Variants in SKI observed in about 807,000 individuals in gnomAD.
The protein encoded by SKI is SKI proto-oncogene.
A neutral mutation model predicts 59.3 loss-of-function variants in SKI; 23 were observed. The observed-to-expected ratio is 0.39, with a 90% confidence interval of 0.28 to 0.55. The LOEUF (loss-of-function observed/expected upper bound fraction) is 0.55, where lower values mean the gene tolerates loss of function less well. Ranked by LOEUF, SKI falls within the 20% of genes least tolerant of loss-of-function variation. The pLI is 0.67. For synonymous variants in SKI, 673 were observed against 488.6 expected, an observed-to-expected ratio of 1.38 and a Z score of -4.98; for missense variants, 1,017 against 1,038.9, an observed-to-expected ratio of 0.98 and a Z score of 0.29.
At chr1:2,305,717 GC>G (rs1640556152) in intron 5 of SKI, among the ~76,000 whole-genome samples, 1 of 152,182 alleles carries the variant, frequency 6.6e-6, no homozygotes, top group Non-Finnish European at 1.5e-5. Flanking sequence ...TTGGCTTGCT[GC>G]CCCCAAGGGG....
intron 1 of SKI, among the ~76,000 whole-genome samples, chr1:2,285,608 A>G (rs925673823): frequency 2.7e-5 from 4 of 148,428 alleles, no homozygotes; most frequent in Non-Finnish European, 6.0e-5. Context: ...TCTGTCACCC[A>G]GGCTGGAGTG....
intron 1 of SKI, among the ~76,000 whole-genome samples, chr1:2,243,535 G>A (rs1557815897): frequency 6.6e-6 from 1 of 152,232 alleles, no homozygotes; most frequent in Non-Finnish European, 1.5e-5. Context: ...TCCTGTTCTT[G>A]TGCCTTGGGA....
Position 2,269,096 on chromosome 1 carries a change from A to G in SKI, c.970-33882A>G, listed in dbSNP as rs1639560361. Among the ~76,000 whole-genome samples the G allele has an allele frequency of 6.6e-6, 1 of 152,062 alleles. No individual in the cohort carries two copies. The highest frequency in any genetic ancestry group is 2.4e-5 in the African/African-American group (1 of 41,388). On this transcript the variant is annotated intron_variant, in intron 1 of 6. Transcript: ENST00000378536. This position sits in a 1 kb window ranked among gnomAD's most constrained non-coding sequence, Gnocchi z 4.7. ...GTAGCCGAGACTACAGGCACACACC[A>G]CTACATCTGGCTAACGTTTTATATT...
chr1:2,303,900 G>A lies in SKI; in HGVS notation c.1272G>A (p.Pro424=), dbSNP rs552946737. The A allele has an allele frequency of 2.2e-5, 35 of 1,612,334 alleles. No homozygotes were observed. The East Asian group carries it at 4.0e-4, about 18-fold the overall frequency. ...AVAPNVALAP[P]AQQKVVSSPP... ...CGCCCAACGTGGCCCTCGCACCGCC[G>A]GCCCAGCAGAAGGTTGTGAGCAGCC... The change falls in exon 4 of 7, where the codon CCG becomes CCA. Residue 424 remains proline (P), a synonymous_variant. Transcript: ENST00000378536. The surrounding 1 kb of genome is among the most constrained non-coding windows in gnomAD (Gnocchi z 5.6).
chr1:2,285,740 T>G (rs1640026148), intron 1 of SKI, among the ~76,000 whole-genome samples: 1 of 151,308 alleles, frequency 6.6e-6, no homozygotes, highest in Non-Finnish European at 1.5e-5. Context: ...ATTTTTGTAT[T>G]TGTAGCAGAG....
At position 2,229,365 on chromosome 1, in the gene SKI, A is replaced by G. The variant is rs1311731348; in HGVS notation, c.599A>G (p.Lys200Arg). The stretch of plus-strand genomic sequence containing the variant: ...GGCGGCGCCTACCCGCCGCCCTGCA[A>G]GAAGGAGCTGGCCGCCAGCCTGGCG... ...LYGGAYPPPC[K>R]KELAASLALG... is the part of the protein sequence containing the mutation. The change falls in exon 1 of 7, where the codon AAG becomes AGG. Residue 200 changes from lysine to arginine, a missense_variant. Lys to Arg is a conservative substitution (Grantham distance 26). Transcript: ENST00000378536. The surrounding 1 kb of genome is among the most constrained non-coding windows in gnomAD (Gnocchi z 6.3). The G allele has an allele frequency of 6.2e-7, 1 of 1,600,118 alleles. No homozygotes were observed. Among genetic ancestry groups the G allele is most frequent in the South Asian group, 1.1e-5 (1 of 89,830 alleles).
At chr1:2,239,406 G>C (rs1028153673) in intron 1 of SKI, among the ~76,000 whole-genome samples, 2 of 152,146 alleles carry the variant, frequency 1.3e-5, no homozygotes, top group Non-Finnish European at 2.9e-5. Flanking sequence ...GTCAAGCCGG[G>C]CTCGATGTCT....
chr1:2,239,094 T>TA (rs1279997371), intron 1 of SKI, among the ~76,000 whole-genome samples: 1 of 152,158 alleles, frequency 6.6e-6, no homozygotes, highest in Non-Finnish European at 1.5e-5. Context: ...CCCAAACCAT[T>TA]AAAAAAATTA....
At chr1:2,284,734 C>T (rs1639996367) in intron 1 of SKI, among the ~76,000 whole-genome samples, 2 of 152,124 alleles carry the variant, frequency 1.3e-5, no homozygotes, top group Non-Finnish European at 1.5e-5. Context: ...GGGCTCCAGG[C>T]AGGGAAGAGT....
intron 1 of SKI, among the ~76,000 whole-genome samples, chr1:2,239,575 C>T (rs532539662): frequency 2.0e-5 from 3 of 152,370 alleles, no homozygotes; most frequent in East Asian, 1.9e-4. Context: ...GGGTTTCAAC[C>T]TGGATGGCCC....
intron 1 of SKI, among the ~76,000 whole-genome samples, chr1:2,275,103 C>G (rs956867834): frequency 2.6e-5 from 4 of 152,210 alleles, no homozygotes; most frequent in African/African-American, 9.7e-5. Flanking sequence ...CCCTGGAACC[C>G]CCACCCTGAA....
chr1:2,288,075 A>C (rs1418146190), intron 1 of SKI, among the ~76,000 whole-genome samples: 10 of 137,812 alleles, frequency 7.3e-5, no homozygotes, highest in South Asian at 2.3e-4. Flanking sequence ...CCCAACCTCC[A>C]CCTCCCGGGT....
intron 1 of SKI, among the ~76,000 whole-genome samples, chr1:2,290,733 C>T (rs1201806510): frequency 6.6e-6 from 1 of 152,206 alleles, no homozygotes; most frequent in Non-Finnish European, 1.5e-5. Flanking sequence ...TCTGCCCCAG[C>T]TAGCGCTTGG....
At chr1:2,242,676 C>T (rs182988145) in intron 1 of SKI, among the ~76,000 whole-genome samples, 76 of 152,190 alleles carry the variant, frequency 5.0e-4, no homozygotes, top group South Asian at 2.1e-4. Context: ...GGCATCACCA[C>T]GCCTGGCGGA....
At position 2,303,509 on chromosome 1, in the gene SKI, C is replaced by T; in HGVS notation, c.1211+109C>T. 2.0e-6 allele frequency: 2 copies of T among 1,011,872 alleles called. No homozygotes were observed. Among genetic ancestry groups the T allele is most frequent in the South Asian group, 2.8e-5 (2 of 71,098 alleles). The allele number at this position is 1,011,872 out of a possible 1,614,324, so 62.7% of individuals were successfully genotyped here. A position where few individuals can be genotyped will look rare whatever the true frequency, so the allele number is the denominator to read the frequency against. ...CAGGCTGGGTGCCCAGACCTGCCGC[C>T]TTTTGGTCAGGGCAGTCTCGGTGTT... is the stretch of plus-strand genomic sequence containing the variant. On this transcript the variant is annotated intron_variant, in intron 3 of 6. Coordinates refer to ENST00000378536, the MANE Select transcript of SKI (RefSeq NM_003036.4). This position sits in a 1 kb window ranked among gnomAD's most constrained non-coding sequence, Gnocchi z 5.6.
chr1:2,229,884 A>T lies in SKI; in HGVS notation c.969+149A>T. 7.0e-7 allele frequency: 1 copy of T among 1,434,036 alleles called. No individual in the cohort carries two copies. Among genetic ancestry groups the T allele is most frequent in the Non-Finnish European group, 9.4e-7 (1 of 1,066,476 alleles). The allele number at this position is 1,434,036 out of a possible 1,614,324, so 88.8% of individuals were successfully genotyped here. A position where few individuals can be genotyped will look rare whatever the true frequency, so the allele number is the denominator to read the frequency against. ...TTCGCTTTGTTTTAGGGAAATTCAG[A>T]GTGTTCCGACTGGCAGGGCCAGAGA... On this transcript the variant is annotated intron_variant, in intron 1 of 6. Transcript: ENST00000378536. The surrounding 1 kb of genome is among the most constrained non-coding windows in gnomAD (Gnocchi z 6.3).
rs566249242 is a variant in SKI at position 2,308,314 on chromosome 1, T to A, written c.*1549T>A. 2.0e-5 allele frequency: 3 copies of A among 152,274 alleles called. No individual in the cohort carries two copies. In the East Asian group the frequency reaches 5.8e-4, roughly 29 times the overall value. The allele number at this position is 152,274 out of a possible 1,614,324, so 9.4% of individuals were successfully genotyped here. ...AGACTGCTGAGCCCTCGCATCTGGG[T>A]GGCGGAATTGCCTGCGGGGTTTTGC... On this transcript the variant is annotated 3_prime_UTR_variant, in exon 7 of 7. Coordinates refer to ENST00000378536, the MANE Select transcript of SKI (RefSeq NM_003036.4).
chr1:2,288,615 C>T (rs913383539), intron 1 of SKI, among the ~76,000 whole-genome samples: 3 of 152,286 alleles, frequency 2.0e-5, no homozygotes, highest in Admixed American at 1.3e-4. Flanking sequence ...CTCTGGGAGT[C>T]GTGGGATGTG....
rs905113274 is a variant in SKI, at chr1:2,228,941, GCGGTGC to G, written c.179_184del (p.Val60_Pro61del). On this transcript the variant is annotated inframe_deletion, in exon 1 of 7. Transcript: ENST00000378536. ...GAGCGCCAAGGAGGCGGGCGCGGCC[GCGGTGC>G]CGGCGCCGGTGCCCGCAGCCACCGA... 3.6e-6 allele frequency: 5 copies of G among 1,386,848 alleles called. No homozygotes were observed. The highest frequency in any genetic ancestry group is 4.7e-6 in the Non-Finnish European group (5 of 1,067,952). 85.9% of individuals were successfully genotyped at this position (1,386,848 alleles called of 1,614,324 possible). A position where few individuals can be genotyped will look rare whatever the true frequency, so the allele number is the denominator to read the frequency against.
Sources: gnomAD v4.1 joint callset for allele counts (sites outside exome capture counted in the v4.1 genomes callset) on GRCh38, gnomAD v4.1.1 for gene constraint, Gnocchi (gnomAD v3.1) non-coding constraint, MANE v1.5 for transcripts, NCBI Gene and HGNC (gene_info 2026-07-23, HGNC 2026-07-21) for gene names.